The following ZC2HC1B variants were observed in gnomAD, a reference collection of about 807,000 sequenced individuals.
ZC2HC1B encodes zinc finger C2HC-type containing 1B.
ZC2HC1B carries 36 observed loss-of-function variants against 31.0 expected under a neutral mutation model. That is an observed-to-expected ratio of 1.16 (90% CI 0.89 to 1.54). The LOEUF is 1.54. Among genes scored for constraint, ZC2HC1B ranks in the 40% most tolerant of loss-of-function variants. The pLI, the probability that ZC2HC1B is intolerant of heterozygous loss-of-function variation, is 0.00. For synonymous variants in ZC2HC1B, 73 were observed against 88.0 expected, an observed-to-expected ratio of 0.83 and a Z score of 0.95; for missense variants, 260 against 268.6, an observed-to-expected ratio of 0.97 and a Z score of 0.22.
chr6:143,931,694 C>T (rs1247163899), intron 6 of ZC2HC1B, among the ~76,000 whole-genome samples: 1 of 152,094 alleles, frequency 6.6e-6, no homozygotes, highest in Non-Finnish European at 1.5e-5. Context: ...GCTGAAAAAT[C>T]TGTTGTTAAT....
Position 143,878,345 on chromosome 6 carries a change from G to T in ZC2HC1B, c.29-5959G>T, listed in dbSNP as rs76305026. ...ATGGCCATGTTAGCCAGGTGTGGTG[G>T]TGTGGGCCTGTGCTCCCAGCTACTC... On this transcript the variant is annotated intron_variant, in intron 1 of 7. Transcript: ENST00000237275. 2.1e-4 allele frequency among the ~76,000 whole-genome samples: 32 copies of T among 150,696 alleles called. No homozygotes were observed. In the East Asian group the frequency reaches 6.0e-3, roughly 28 times the overall value.
rs1193127490 is a variant in ZC2HC1B at position 143,895,977 on chromosome 6, G to A, written c.350-2575G>A. Among the ~76,000 whole-genome samples the A allele has an allele frequency of 1.3e-5, 2 of 152,104 alleles. No homozygotes were observed. The highest frequency in any genetic ancestry group is 2.9e-5 in the Non-Finnish European group (2 of 68,006). On this transcript the variant is annotated intron_variant, in intron 4 of 7. Transcript: ENST00000237275. The surrounding 1 kb of genome is among the most constrained non-coding windows in gnomAD (Gnocchi z 4.8). The stretch of plus-strand genomic sequence containing the variant: ...AGTGTAGAACATGTAGCTCAGTTAT[G>A]CTGGGTTCAGATTATTGTTGCAGAA...
intron 4 of ZC2HC1B, among the ~76,000 whole-genome samples, chr6:143,888,716 T>C (rs1393560153): frequency 6.6e-6 from 1 of 152,030 alleles, no homozygotes; most frequent in African/African-American, 2.4e-5. Context: ...AAAAATATAA[T>C]GGATCTTTGT....
chr6:143,909,082 G>T (rs1380976836), intron 6 of ZC2HC1B, among the ~76,000 whole-genome samples: 1 of 152,150 alleles, frequency 6.6e-6, no homozygotes, highest in African/African-American at 2.4e-5. Flanking sequence ...ATTGATTTGT[G>T]TACATTGAAC....
At chr6:143,929,491 T>C (rs987815240) in intron 6 of ZC2HC1B, among the ~76,000 whole-genome samples, 1 of 152,226 alleles carries the variant, frequency 6.6e-6, no homozygotes, top group East Asian at 1.9e-4. Flanking sequence ...TTGTATTTTG[T>C]TAAGGAATTT....
rs1189138935 is a variant in ZC2HC1B, at chr6:143,924,042, G to T, written c.599-13607G>T. 6.6e-6 allele frequency among the ~76,000 whole-genome samples: 1 copy of T among 151,812 alleles called. No homozygotes were observed. Among genetic ancestry groups the T allele is most frequent in the Non-Finnish European group, 1.5e-5 (1 of 67,902 alleles). The stretch of plus-strand genomic sequence containing the variant: ...ATCTGTAGATTGCTTTGGGTAGTAT[G>T]GTCATTTTAACAATAGTAATTCTTC... On this transcript the variant is annotated intron_variant, in intron 6 of 7. Coordinates refer to ENST00000237275, the MANE Select transcript of ZC2HC1B (RefSeq NM_001013623.3). The surrounding 1 kb of genome is among the most constrained non-coding windows in gnomAD (Gnocchi z 5.2).
At chr6:143,916,625 G>A (rs977331646) in intron 6 of ZC2HC1B, among the ~76,000 whole-genome samples, 4 of 152,228 alleles carry the variant, frequency 2.6e-5, no homozygotes, top group Admixed American at 6.5e-5. Context: ...CAAGGCTGTG[G>A]GAGTACACCT....
chr6:143,916,781 G>C (rs769270830), intron 6 of ZC2HC1B, among the ~76,000 whole-genome samples: 1 of 152,348 alleles, frequency 6.6e-6, no homozygotes, highest in Non-Finnish European at 1.5e-5. Context: ...TGGAATGGCT[G>C]TATTTACCCA....
chr6:143,911,319 C>A lies in ZC2HC1B; in HGVS notation c.598+8167C>A, dbSNP rs1362283377. ...TTATGTGTGAATTAGATCCTGTCAT[C>A]ATGATGCTAGTTAGTTATTTTGTAG... is the stretch of plus-strand genomic sequence containing the variant. On this transcript the variant is annotated intron_variant, in intron 6 of 7. Transcript: ENST00000237275. The surrounding 1 kb of genome is among the most constrained non-coding windows in gnomAD (Gnocchi z 4.5). Among the ~76,000 whole-genome samples, 1 of 152,266 alleles carries A rather than the reference C, an allele frequency of 6.6e-6. No homozygotes were observed. Among genetic ancestry groups the A allele is most frequent in the Admixed American group, 6.5e-5 (1 of 15,298 alleles).
At chr6:143,935,997 G>T (rs1193311136) in intron 6 of ZC2HC1B, among the ~76,000 whole-genome samples, 1 of 151,984 alleles carries the variant, frequency 6.6e-6, no homozygotes, top group Non-Finnish European at 1.5e-5. Context: ...TATAAATCTA[G>T]TTGTTGTCTT....
At position 143,913,239 on chromosome 6, in the gene ZC2HC1B, G is replaced by A. The variant is rs1777881535; in HGVS notation, c.598+10087G>A. 6.6e-6 allele frequency among the ~76,000 whole-genome samples: 1 copy of A among 152,138 alleles called. No individual in the cohort carries two copies. ...CCAGCTAGAAGGTTCTACCCAGTGA[G>A]GAAGAAGCAGTCTGGCTGTGATCTG... On this transcript the variant is annotated intron_variant, in intron 6 of 7. Transcript: ENST00000237275. The surrounding 1 kb of genome is among the most constrained non-coding windows in gnomAD (Gnocchi z 5.7).
At position 143,883,484 on chromosome 6, in the gene ZC2HC1B, A is replaced by G. The variant is rs1283776413; in HGVS notation, c.29-820A>G. Among the ~76,000 whole-genome samples, 1 of 152,218 alleles carries G rather than the reference A, an allele frequency of 6.6e-6. No individual in the cohort carries two copies. Among genetic ancestry groups the G allele is most frequent in the Non-Finnish European group, 1.5e-5 (1 of 68,050 alleles). On this transcript the variant is annotated intron_variant, in intron 1 of 7. Coordinates refer to ENST00000237275, the MANE Select transcript of ZC2HC1B (RefSeq NM_001013623.3). The surrounding 1 kb of genome is among the most constrained non-coding windows in gnomAD (Gnocchi z 4.1). ...CCCTTGTTGCTTTCTTTGCATGTAG[A>G]GTAAAGCCCAGATGACTGGTCTAAT...
At chr6:143,900,390 CA>C (rs200482247) in intron 5 of ZC2HC1B, among the ~76,000 whole-genome samples, 191 of 84,358 alleles carry the variant, frequency 2.3e-3, no homozygotes, top group South Asian at 3.6e-3. Flanking sequence ...AACTCCGTCT[CA>C]AAAAAAAAAA....
chr6:143,901,249 C>CTT (rs1777734611), intron 5 of ZC2HC1B, among the ~76,000 whole-genome samples: 2 of 127,790 alleles, frequency 1.6e-5, no homozygotes, highest in African/African-American at 6.6e-5. Context: ...TTTCTTTCTT[C>CTT]CTTTTTTTTT....
chr6:143,917,315 T>C lies in ZC2HC1B; in HGVS notation c.598+14163T>C, dbSNP rs370215808. On this transcript the variant is annotated intron_variant, in intron 6 of 7. Transcript: ENST00000237275. The surrounding 1 kb of genome is among the most constrained non-coding windows in gnomAD (Gnocchi z 4.1). ...CTTTTGTAAATTGCCCAGTCTTGGA[T>C]ATGTCTTTATCAGCAGCATGAAAAC... is the stretch of plus-strand genomic sequence containing the variant. 5.1e-4 allele frequency among the ~76,000 whole-genome samples: 77 copies of C among 152,374 alleles called. 1 individual carries two copies. The East Asian group carries it at 6.0e-3, about 12-fold the overall frequency.
chr6:143,897,879 C>CATCAATA (rs1777686020), intron 4 of ZC2HC1B, among the ~76,000 whole-genome samples: 1 of 152,170 alleles, frequency 6.6e-6, no homozygotes, highest in Non-Finnish European at 1.5e-5. Flanking sequence ...TATTCTGTGC[C>CATCAATA]CTACTGTGCC....
chr6:143,874,570 G>A (rs1777384538), intron 1 of ZC2HC1B, among the ~76,000 whole-genome samples: 1 of 152,192 alleles, frequency 6.6e-6, no homozygotes, highest in African/African-American at 2.4e-5. Context: ...CAGAATCATG[G>A]CAGGAGGTGA....
At chr6:143,879,171 T>C (rs1777439974) in intron 1 of ZC2HC1B, among the ~76,000 whole-genome samples, 1 of 152,240 alleles carries the variant, frequency 6.6e-6, no homozygotes, top group Admixed American at 6.5e-5. Flanking sequence ...TTTAAGAGTC[T>C]GTAGTGTGAA....
rs190545924 is a variant in ZC2HC1B at position 143,878,530 on chromosome 6, T to A, written c.29-5774T>A. 3.2e-3 allele frequency among the ~76,000 whole-genome samples: 488 copies of A among 150,652 alleles called. 26 individuals are homozygous for A. The highest frequency in any genetic ancestry group is 0.01 in the Middle Eastern group (3 of 292). On this transcript the variant is annotated intron_variant, in intron 1 of 7. Transcript: ENST00000237275. ...CCTAGAACATTGCTGAAGTGCTGTC[T>A]AGTGTTCCTAAGCTCAAGGCTGTGA...
Sources: allele counts gnomAD v4.1 joint callset (sites outside exome capture counted in the v4.1 genomes callset), GRCh38; gene constraint gnomAD v4.1.1; non-coding constraint Gnocchi (gnomAD v3.1); transcripts MANE v1.5; gene names NCBI Gene and HGNC (gene_info 2026-07-23, HGNC 2026-07-21).